CACNA1B: variants seen among roughly 807,000 people sequenced by gnomAD.
CACNA1B encodes voltage-dependent N-type calcium channel subunit alpha-1B.
A neutral mutation model predicts 247.2 loss-of-function variants in CACNA1B; 70 were observed. That is an observed-to-expected ratio of 0.28 (90% CI 0.23 to 0.35). CACNA1B has a LOEUF of 0.35. CACNA1B is among the 10% of genes least tolerant of loss of function. The probability of loss-of-function intolerance (pLI) is 1.00; values close to 1 mark genes in which losing one functional copy is unlikely to be tolerated. For missense variants in CACNA1B, 2,367 were observed against 3,197.4 expected, an observed-to-expected ratio of 0.74 and a Z score of 6.26; for synonymous variants, 1,231 against 1,294.4, an observed-to-expected ratio of 0.95 and a Z score of 1.05.
chr9:138,060,448 C>T (rs1418231133), intron 31 of CACNA1B, among the ~76,000 whole-genome samples: 5 of 152,162 alleles, frequency 3.3e-5, no homozygotes, highest in Admixed American at 6.5e-5. Flanking sequence ...GACCAGAAAT[C>T]CTGCGTCCCA....
Position 138,052,192 on chromosome 9 carries a change from A to G in CACNA1B, c.3807+4A>G, listed in dbSNP as rs1166838561. 2 of 1,578,334 alleles carry G rather than the reference A, an allele frequency of 1.3e-6. No individual in the cohort carries two copies. The highest frequency in any genetic ancestry group is 1.7e-6 in the Non-Finnish European group (2 of 1,150,476). On this transcript the variant is annotated splice_donor_region_variant and intron_variant, in intron 25 of 46. Coordinates refer to ENST00000371372, the MANE Select transcript of CACNA1B (RefSeq NM_000718.4). This position sits in a 1 kb window ranked among gnomAD's most constrained non-coding sequence, Gnocchi z 5.1. Reference sequence around the variant, plus strand: ...CAAACGGCTGCCCAAGCTCAAGGTTAGAGCCTGGAGTTGGGGCTTGAGGGA... The same window carrying G: ...CAAACGGCTGCCCAAGCTCAAGGTTGGAGCCTGGAGTTGGGGCTTGAGGGA...
intron 20 of CACNA1B, among the ~76,000 whole-genome samples, chr9:138,042,730 A>C (rs889591227): frequency 6.6e-6 from 1 of 152,140 alleles, no homozygotes; most frequent in Non-Finnish European, 1.5e-5. Flanking sequence ...TCGGTGGTAT[A>C]GACCCCACTG....
chr9:138,104,037 C>T (rs769954677), intron 38 of CACNA1B, among the ~76,000 whole-genome samples: 1 of 152,232 alleles, frequency 6.6e-6, no homozygotes, highest in Non-Finnish European at 1.5e-5. Context: ...CAGGCAGGGC[C>T]ATGATGGAGC....
At chr9:138,045,642 C>A (rs1297704151) in intron 21 of CACNA1B, among the ~76,000 whole-genome samples, 1 of 152,166 alleles carries the variant, frequency 6.6e-6, no homozygotes, top group Non-Finnish European at 1.5e-5. Context: ...GGGGATGTCT[C>A]ATGGCCAGGT....
chr9:137,940,623 A>T (rs1293748380), intron 6 of CACNA1B, among the ~76,000 whole-genome samples: 1 of 152,214 alleles, frequency 6.6e-6, no homozygotes, highest in Non-Finnish European at 1.5e-5. Flanking sequence ...AAAAAAGAAA[A>T]CTACAAACCA....
rs1406480118 is a variant in CACNA1B at position 138,023,054 on chromosome 9, C to T, written c.2311C>T (p.Arg771Trp). The T allele has an allele frequency of 2.6e-6, 4 of 1,527,710 alleles. No homozygotes were observed. The highest frequency in any genetic ancestry group is 3.5e-6 in the Non-Finnish European group (4 of 1,144,050). The allele number at this position is 1,527,710 out of a possible 1,614,324, so 94.6% of individuals were successfully genotyped here. A position where few individuals can be genotyped will look rare whatever the true frequency, so the allele number is the denominator to read the frequency against. ...CAAGGCGCGCTCGGTGTGGGAGCAG[C>T]GGGCCAGCCAGCTACGGCTGCAGAA... ...SAKARSVWEQ[R>W]ASQLRLQNLR... The change falls in exon 19 of 47, where the codon CGG becomes TGG. Residue 771 changes from arginine to tryptophan, a missense_variant. Arg to Trp is a moderately radical substitution (Grantham distance 101, BLOSUM62 -3). Transcript: ENST00000371372.
intron 16 of CACNA1B, among the ~76,000 whole-genome samples, chr9:138,008,629 G>A (rs1438895869): frequency 6.6e-6 from 1 of 152,248 alleles, no homozygotes; most frequent in Non-Finnish European, 1.5e-5. Context: ...CTCATACAGA[G>A]CCAGCTGCTA....
intron 26 of CACNA1B, among the ~76,000 whole-genome samples, chr9:138,055,123 CTTTTTCTTTTTTT>C (rs1228808770): frequency 6.0e-5 from 9 of 149,752 alleles, no homozygotes; most frequent in African/African-American, 1.7e-4. Context: ...GTTCTTTTTT[CTTTTTCTTTTTTT>C]TTTTTTTTGA....
Position 137,919,874 on chromosome 9 carries a change from A to G in CACNA1B, c.966+2443A>G, listed in dbSNP as rs1957458223. On this transcript the variant is annotated intron_variant, in intron 6 of 46. Coordinates refer to ENST00000371372, the MANE Select transcript of CACNA1B (RefSeq NM_000718.4). The surrounding 1 kb of genome is among the most constrained non-coding windows in gnomAD (Gnocchi z 4.6). The stretch of plus-strand genomic sequence containing the variant: ...TGGGGGCACTCCAGCTTGAGGAGAA[A>G]TGGCTTTGTCTGTGCCTGGAAAAGC... Among the ~76,000 whole-genome samples the G allele has an allele frequency of 6.6e-6, 1 of 152,176 alleles. No homozygotes were observed. Among genetic ancestry groups the G allele is most frequent in the South Asian group, 2.1e-4 (1 of 4,826 alleles).
At chr9:138,095,402 A>G (rs575170783) in intron 36 of CACNA1B, among the ~76,000 whole-genome samples, 1 of 152,342 alleles carries the variant, frequency 6.6e-6, no homozygotes, top group Admixed American at 6.5e-5. Context: ...CAAAACTACA[A>G]TGAGATACCT....
At chr9:138,068,526 C>A in intron 31 of CACNA1B, 1 of 500,744 alleles carries the variant, frequency 2.0e-6, no homozygotes, top group Non-Finnish European at 4.0e-6. Flanking sequence ...CTGTGCGTCT[C>A]GCCCGGAAGC....
At position 138,023,751 on chromosome 9, in the gene CACNA1B, A is replaced by G; in HGVS notation, c.3008A>G (p.Glu1003Gly). The change falls in exon 19 of 47, where the codon GAG (glutamate) becomes GGG (glycine). Residue 1003 changes from glutamate (E) to glycine (G), a missense_variant. Coordinates refer to ENST00000371372, the MANE Select transcript of CACNA1B (RefSeq NM_000718.4). ...GAGACCACGGAGAAGGAGGCCACGG[A>G]GAAGGAGGCTGAGATAGTGGAAGCC... ...EKETTEKEATEKEAEIVEADK... is the reference protein window; with the variant it reads ...EKETTEKEATGKEAEIVEADK... 1.5e-6 allele frequency: 2 copies of G among 1,378,238 alleles called. No individual in the cohort carries two copies. Among genetic ancestry groups the G allele is most frequent in the Middle Eastern group, 1.9e-4 (1 of 5,350 alleles). The allele number at this position is 1,378,238 out of a possible 1,614,324, so 85.4% of individuals were successfully genotyped here.
intron 3 of CACNA1B, among the ~76,000 whole-genome samples, chr9:137,893,662 A>C (rs1162821074): frequency 6.6e-6 from 1 of 152,066 alleles, no homozygotes; most frequent in Non-Finnish European, 1.5e-5. Flanking sequence ...AAAAAAAAAA[A>C]ATGAAACAAA....
intron 12 of CACNA1B, among the ~76,000 whole-genome samples, chr9:137,982,002 C>T (rs552153823): frequency 1.8e-4 from 28 of 152,368 alleles, no homozygotes; most frequent in African/African-American, 6.7e-4. Flanking sequence ...TCCAAAACCA[C>T]TCCCACATTT....
Position 138,007,020 on chromosome 9 carries a change from G to T in CACNA1B, c.2092+136G>T. 1 of 626,730 alleles carries T rather than the reference G, an allele frequency of 1.6e-6. No individual in the cohort carries two copies. The highest frequency in any genetic ancestry group is 1.8e-5 in the South Asian group (1 of 54,816). 38.8% of individuals were successfully genotyped at this position (626,730 alleles called of 1,614,324 possible). On this transcript the variant is annotated intron_variant, in intron 16 of 46. Transcript: ENST00000371372. This position sits in a 1 kb window ranked among gnomAD's most constrained non-coding sequence, Gnocchi z 4.1. The stretch of plus-strand genomic sequence containing the variant: ...TGCATTCTCAGAGCTGAGTGCAGAT[G>T]GAGAACATTCTGCAGGTGGCCGGAG...
chr9:138,049,240 G>T lies in CACNA1B; in HGVS notation c.3635G>T (p.Gly1212Val). The change falls in exon 24 of 47, where the codon GGA becomes GTA. Residue 1212 changes from glycine (G) to valine (V), a missense_variant. Gly to Val is a moderately radical substitution (Grantham distance 109). Transcript: ENST00000371372. ...MIDLGLLLHP[G>V]AYFRDLWNIL... ...GACTTGGGACTGCTGCTTCACCCTG[G>T]AGCCTATTTCCGGGACTTGTGGAAC... is the stretch of plus-strand genomic sequence containing the variant. 2 of 1,613,252 alleles carry T rather than the reference G, an allele frequency of 1.2e-6. No homozygotes were observed. Among genetic ancestry groups the T allele is most frequent in the Non-Finnish European group, 1.7e-6 (2 of 1,179,152 alleles).
chr9:137,994,102 C>A (rs1315828618), intron 15 of CACNA1B, among the ~76,000 whole-genome samples: 1 of 152,162 alleles, frequency 6.6e-6, no homozygotes, highest in Non-Finnish European at 1.5e-5. Flanking sequence ...CAAAATCACA[C>A]AATCATCTCA....
At position 138,102,570 on chromosome 9, in the gene CACNA1B, C is replaced by T. The variant is rs116659851; in HGVS notation, c.5223-141C>T. On this transcript the variant is annotated intron_variant, in intron 37 of 46. Transcript: ENST00000371372. The surrounding 1 kb of genome is among the most constrained non-coding windows in gnomAD (Gnocchi z 5.4). ...TTATTTTGATTTTGGGCTTTGAATCCGACACTTTGATTAACTGGCTCTGTT... is the reference window on the plus strand; with the variant it reads ...TTATTTTGATTTTGGGCTTTGAATCTGACACTTTGATTAACTGGCTCTGTT... 8.5e-3 allele frequency: 4,558 copies of T among 537,518 alleles called. 145 individuals are homozygous for T. Among genetic ancestry groups the T allele is most frequent in the African/African-American group, 0.077 (3,961 of 51,458 alleles). The allele number at this position is 537,518 out of a possible 1,614,324, so 33.3% of individuals were successfully genotyped here.
chr9:138,059,824 G>A lies in CACNA1B; in HGVS notation c.4668+87G>A. 1 of 787,436 alleles carries A rather than the reference G, an allele frequency of 1.3e-6. No homozygotes were observed. The highest frequency in any genetic ancestry group is 2.2e-6 in the Non-Finnish European group (1 of 446,044). The allele number at this position is 787,436 out of a possible 1,614,324, so 48.8% of individuals were successfully genotyped here. On this transcript the variant is annotated intron_variant, in intron 31 of 46. Transcript: ENST00000371372. This position sits in a 1 kb window ranked among gnomAD's most constrained non-coding sequence, Gnocchi z 4.2. ...CCCTCAGTGCATCTCCAGGCCCTGT[G>A]TTAGCCTCTTCCTGGGTTCCGCAGA...
Sources: allele counts gnomAD v4.1 joint callset (sites outside exome capture counted in the v4.1 genomes callset), GRCh38; gene constraint gnomAD v4.1.1; non-coding constraint Gnocchi (gnomAD v3.1); transcripts MANE v1.5; gene names NCBI Gene and HGNC (gene_info 2026-07-23, HGNC 2026-07-21).